Variants in GABRB1 observed in about 807,000 individuals in gnomAD.
GABRB1 encodes gamma-aminobutyric acid type A receptor subunit beta1, also known as gamma-aminobutyric acid receptor subunit beta-1.
GABRB1 carries 17 observed loss-of-function variants against 51.6 expected under a neutral mutation model. The ratio of observed to expected loss-of-function variants is 0.33; its 90% CI spans 0.23 to 0.49. GABRB1 has a LOEUF of 0.49. Among genes scored for constraint, GABRB1 ranks in the 20% least tolerant of loss-of-function variants. The probability of loss-of-function intolerance (pLI) is 0.99; values close to 1 mark genes in which losing one functional copy is unlikely to be tolerated. For synonymous variants in GABRB1, 247 were observed against 218.9 expected (o/e 1.13, Z -1.14); for missense variants, 410 against 600.6 (o/e 0.68, Z 3.32).
intron 4 of GABRB1, among the ~76,000 whole-genome samples, chr4:47,192,995 G>T (rs141006525): frequency 7.9e-5 from 12 of 152,320 alleles, no homozygotes; most frequent in African/African-American, 2.9e-4. Flanking sequence ...AATTCAAACT[G>T]AGGTACTCAG....
chr4:47,362,007 A>G (rs1726826803), intron 5 of GABRB1, among the ~76,000 whole-genome samples: 1 of 152,144 alleles, frequency 6.6e-6, no homozygotes, highest in African/African-American at 2.4e-5. Flanking sequence ...GAAAATGGAA[A>G]ATGAATGAGA....
intron 3 of GABRB1, among the ~76,000 whole-genome samples, chr4:47,101,291 T>C (rs987346409): frequency 2.6e-5 from 4 of 152,134 alleles, no homozygotes; most frequent in African/African-American, 9.6e-5. Flanking sequence ...AAATCAAAAG[T>C]TGGTATGCAA....
intron 3 of GABRB1, among the ~76,000 whole-genome samples, chr4:47,082,410 A>G (rs1727888787): frequency 6.6e-6 from 1 of 152,112 alleles, no homozygotes; most frequent in Admixed American, 6.6e-5. Context: ...AGATGTTATA[A>G]AGGCCCTAAA....
intron 3 of GABRB1, among the ~76,000 whole-genome samples, chr4:47,075,216 C>A (rs1163840031): frequency 2.0e-5 from 3 of 152,020 alleles, no homozygotes; most frequent in African/African-American, 7.2e-5. Flanking sequence ...TGCCTGCAGT[C>A]TCTGACCCAA....
intron 4 of GABRB1, among the ~76,000 whole-genome samples, chr4:47,295,270 C>T (rs188478181): frequency 7.9e-5 from 12 of 152,212 alleles, no homozygotes; most frequent in East Asian, 7.7e-4. Context: ...ATGACTTTGA[C>T]GAGTTGAGAG....
intron 4 of GABRB1, among the ~76,000 whole-genome samples, chr4:47,210,457 G>T (rs1390068996): frequency 6.6e-6 from 1 of 152,230 alleles, no homozygotes; most frequent in East Asian, 1.9e-4. Flanking sequence ...ATAAGCATTT[G>T]TGTTTGATTC....
intron 1 of GABRB1, among the ~76,000 whole-genome samples, chr4:47,014,445 T>A (rs938147187): frequency 6.6e-6 from 1 of 152,210 alleles, no homozygotes; most frequent in Admixed American, 6.5e-5. Flanking sequence ...TCTTCTTTTA[T>A]GTTTTATAAA....
chr4:47,235,670 C>T (rs550747206), intron 4 of GABRB1, among the ~76,000 whole-genome samples: 1 of 152,158 alleles, frequency 6.6e-6, no homozygotes, highest in South Asian at 2.1e-4. Context: ...AGAGAACTTT[C>T]TCCTTTTATA....
In GABRB1 at chr4:47,079,190, C is replaced by G. The variant is rs567092113; in HGVS notation, c.240+46706C>G. Among the ~76,000 whole-genome samples, 85 of 151,794 alleles carry G rather than the reference C, an allele frequency of 5.6e-4. No individual in the cohort carries two copies. The South Asian group carries it at 8.7e-3, about 16-fold the overall frequency. Reference sequence around the variant, plus strand: ...TGGAATAGTTTCAGAAGGAATGGTACCAGCTCCTTCTTGTACCTCTGGTAG... The same window carrying G: ...TGGAATAGTTTCAGAAGGAATGGTAGCAGCTCCTTCTTGTACCTCTGGTAG... On this transcript the variant is annotated intron_variant, in intron 3 of 8. Coordinates refer to ENST00000295454, the MANE Select transcript of GABRB1 (RefSeq NM_000812.4).
chr4:47,180,924 T>C lies in GABRB1; in HGVS notation c.461+19455T>C, dbSNP rs530541727. On this transcript the variant is annotated intron_variant, in intron 4 of 8. Coordinates refer to ENST00000295454, the MANE Select transcript of GABRB1 (RefSeq NM_000812.4). ...ACACTAATAAAAAATGCATTCTTTC[T>C]ATTGTATTTTAGAATGTTCTCTCTA... Among the ~76,000 whole-genome samples, 6 of 152,172 alleles carry C rather than the reference T, an allele frequency of 3.9e-5. No homozygotes were observed. The East Asian group carries it at 1.2e-3, about 29-fold the overall frequency.
chr4:47,413,197 TC>T (rs1480069962), intron 8 of GABRB1, among the ~76,000 whole-genome samples: 1 of 152,232 alleles, frequency 6.6e-6, no homozygotes, highest in African/African-American at 2.4e-5. Flanking sequence ...AAACAGAAAT[TC>T]CGCCGAGGTC....
At chr4:47,014,134 G>A (rs1184051482) in intron 1 of GABRB1, among the ~76,000 whole-genome samples, 1 of 152,096 alleles carries the variant, frequency 6.6e-6, no homozygotes, top group African/African-American at 2.4e-5. Context: ...AAACACTAGA[G>A]ATCTTATAAT....
intron 5 of GABRB1, among the ~76,000 whole-genome samples, chr4:47,330,824 A>G (rs563990844): frequency 1.3e-5 from 2 of 152,336 alleles, no homozygotes; most frequent in South Asian, 4.1e-4. Context: ...ATAGAAAAAA[A>G]TATGAATATA....
chr4:47,162,994 C>G (rs1718027347), intron 4 of GABRB1, among the ~76,000 whole-genome samples: 1 of 152,036 alleles, frequency 6.6e-6, no homozygotes, highest in African/African-American at 2.4e-5. Context: ...TTCCTCTTCC[C>G]TCACAGATTT....
At chr4:47,244,971 A>G (rs1007405441) in intron 4 of GABRB1, among the ~76,000 whole-genome samples, 1 of 152,192 alleles carries the variant, frequency 6.6e-6, no homozygotes. Flanking sequence ...AAAAGCTAGC[A>G]GAAGGCAAGA....
At chr4:47,134,243 C>T (rs1716544710) in intron 3 of GABRB1, among the ~76,000 whole-genome samples, 1 of 152,196 alleles carries the variant, frequency 6.6e-6, no homozygotes, top group Admixed American at 6.5e-5. Context: ...GGTTATGCTA[C>T]AGTTTTTATT....
chr4:47,226,295 A>G (rs539791774), intron 4 of GABRB1, among the ~76,000 whole-genome samples: 1 of 152,258 alleles, frequency 6.6e-6, no homozygotes, highest in African/African-American at 2.4e-5. Context: ...GAGGGCTATA[A>G]TTTAAAATAA....
intron 5 of GABRB1, among the ~76,000 whole-genome samples, chr4:47,344,084 A>G (rs1427734219): frequency 1.3e-5 from 2 of 152,174 alleles, no homozygotes; most frequent in Non-Finnish European, 2.9e-5. Flanking sequence ...TCAGAGAATA[A>G]TCATGGAATT....
chr4:47,085,548 A>C (rs1452736849), intron 3 of GABRB1, among the ~76,000 whole-genome samples: 1 of 152,186 alleles, frequency 6.6e-6, no homozygotes, highest in Non-Finnish European at 1.5e-5. Flanking sequence ...GAACTAGTGT[A>C]AACAACAAAT....
Sources: gnomAD v4.1 joint callset for allele counts (sites outside exome capture counted in the v4.1 genomes callset) on GRCh38, gnomAD v4.1.1 for gene constraint, MANE v1.5 for transcripts, NCBI Gene and HGNC (gene_info 2026-07-23, HGNC 2026-07-21) for gene names.